CRACD: variants seen among roughly 807,000 people sequenced by gnomAD.
CRACD encodes the protein capping protein inhibiting regulator of actin dynamics.
Under a neutral mutation model 106.8 loss-of-function variants are expected in CRACD, and 56 were observed. The observed-to-expected ratio is 0.52, with a 90% CI of 0.42 to 0.66. The LOEUF (loss-of-function observed/expected upper bound fraction) is 0.66. Among genes scored for constraint, CRACD ranks in the 30% least tolerant of loss-of-function variants. The pLI is 0.00. For synonymous variants in CRACD, 754 were observed against 670.8 expected (o/e 1.12, Z -1.92); for missense variants, 1,730 against 1,623.2 (o/e 1.07, Z -1.13).
At position 56,169,576 on chromosome 4, in the gene CRACD, CA is replaced by C. The variant is rs1313094932; in HGVS notation, c.-335-9707del. 6.6e-5 allele frequency among the ~76,000 whole-genome samples: 10 copies of C among 152,198 alleles called. No homozygotes were observed. In the East Asian group the frequency reaches 1.9e-3, roughly 29 times the overall value. On this transcript the variant is annotated intron_variant, in intron 1 of 10. Coordinates refer to ENST00000682029, the MANE Select transcript of CRACD (RefSeq NM_001393381.1). ...GCAGTGGTGCTATCTTCGCTGATGGCACCTCTACCTCCTAGGCTCAAGCAAT... is the reference window on the plus strand; with the variant it reads ...GCAGTGGTGCTATCTTCGCTGATGGCCCTCTACCTCCTAGGCTCAAGCAAT...
chr4:56,241,522 T>C (rs1160920708), intron 2 of CRACD, among the ~76,000 whole-genome samples: 3 of 152,172 alleles, frequency 2.0e-5, no homozygotes, highest in Non-Finnish European at 4.4e-5. Flanking sequence ...ATTTCTCTTA[T>C]TCATTTAATA....
chr4:56,176,601 T>C (rs964398077), intron 1 of CRACD, among the ~76,000 whole-genome samples: 4 of 151,784 alleles, frequency 2.6e-5, no homozygotes, highest in Non-Finnish European at 2.9e-5. Flanking sequence ...GCTAATTTTT[T>C]TGTTTTTGTA....
chr4:56,224,779 G>T (rs903495877), intron 2 of CRACD, among the ~76,000 whole-genome samples: 1 of 152,154 alleles, frequency 6.6e-6, no homozygotes, highest in Non-Finnish European at 1.5e-5. Flanking sequence ...TTCTTCAGTT[G>T]CTAGTTCTAG....
At chr4:56,307,825 C>G in intron 5 of CRACD, 126 bp downstream of exon 5, 12 of 849,372 alleles carry the variant, frequency 1.4e-5, no homozygotes, top group Non-Finnish European at 2.0e-5. Context: ...TAGCTCAGGG[C>G]TTGAGGGCAC....
chr4:56,296,699 C>T (rs961676821), intron 3 of CRACD, among the ~76,000 whole-genome samples: 1 of 152,134 alleles, frequency 6.6e-6, no homozygotes. Context: ...AGGTTGTGCT[C>T]TCTCTCCCCT....
intron 3 of CRACD, among the ~76,000 whole-genome samples, chr4:56,278,833 T>A (rs2109664972): frequency 6.6e-6 from 1 of 152,254 alleles, no homozygotes; most frequent in Middle Eastern, 3.4e-3. Flanking sequence ...CAAAGGATTC[T>A]AATAGACATC....
chr4:56,164,484 G>A (rs944148396), intron 1 of CRACD, among the ~76,000 whole-genome samples: 6 of 152,176 alleles, frequency 3.9e-5, no homozygotes, highest in Admixed American at 6.5e-5. Context: ...AGAAATAAAA[G>A]TGAGCTACTG....
At chr4:56,079,734 C>G (rs1732960588) in intron 1 of CRACD, among the ~76,000 whole-genome samples, 1 of 152,172 alleles carries the variant, frequency 6.6e-6, no homozygotes, top group Non-Finnish European at 1.5e-5. Context: ...CAGGCATGAG[C>G]CACTGTGCCT....
chr4:56,155,409 G>A (rs116693015), intron 1 of CRACD, among the ~76,000 whole-genome samples: 1,970 of 152,300 alleles, frequency 0.013, 18 homozygotes, highest in Admixed American at 0.041. Context: ...CATGGAACCC[G>A]TGGGTATATC....
intron 2 of CRACD, among the ~76,000 whole-genome samples, chr4:56,251,214 G>A (rs1160509670): frequency 2.0e-5 from 3 of 152,182 alleles, no homozygotes; most frequent in Non-Finnish European, 2.9e-5. Flanking sequence ...CTCAGCGCCT[G>A]CCTGGTCAAG....
chr4:56,281,567 A>G (rs575348861), intron 3 of CRACD, among the ~76,000 whole-genome samples: 19 of 152,162 alleles, frequency 1.2e-4, no homozygotes, highest in African/African-American at 3.4e-4. Flanking sequence ...GAGGACAAAA[A>G]TGCATATGAC....
At chr4:56,295,205 C>G (rs935319169) in intron 3 of CRACD, among the ~76,000 whole-genome samples, 4 of 151,914 alleles carry the variant, frequency 2.6e-5, no homozygotes, top group African/African-American at 9.7e-5. Flanking sequence ...GTCTTCAAAC[C>G]TTAGTTTCCT....
Position 56,314,705 on chromosome 4 carries a change from G to T in CRACD, c.1203G>T (p.Leu401=), listed in dbSNP as rs1009264294. ...GGCGGGGCGCGGAGGAGGAGGATCTGGGGGAAGAGGAGGAGGAGGGCCAGG... is the reference window on the plus strand; with the variant it reads ...GGCGGGGCGCGGAGGAGGAGGATCTTGGGGAAGAGGAGGAGGAGGGCCAGG... ...EGRRGAEEED[L]GEEEEEGQAH... The change falls in exon 8 of 11, where the codon CTG becomes CTT. Residue 401 remains leucine, a synonymous_variant. Coordinates refer to ENST00000682029, the MANE Select transcript of CRACD (RefSeq NM_001393381.1). The surrounding 1 kb of genome is among the most constrained non-coding windows in gnomAD (Gnocchi z 4.4). 2 of 1,561,688 alleles carry T rather than the reference G, an allele frequency of 1.3e-6. No homozygotes were observed. The highest frequency in any genetic ancestry group is 2.3e-5 in the East Asian group (1 of 42,632).
At chr4:56,162,135 A>G (rs546262114) in intron 1 of CRACD, among the ~76,000 whole-genome samples, 3 of 152,054 alleles carry the variant, frequency 2.0e-5, no homozygotes, top group Non-Finnish European at 2.9e-5. Context: ...GAAAAGCACA[A>G]TTTTGGATCA....
At chr4:56,278,103 T>C (rs1742781662) in intron 3 of CRACD, among the ~76,000 whole-genome samples, 1 of 152,168 alleles carries the variant, frequency 6.6e-6, no homozygotes, top group African/African-American at 2.4e-5. Context: ...ACAGATTCAA[T>C]GTGGTCCCCA....
At chr4:56,177,145 G>GA (rs1293280702) in intron 1 of CRACD, among the ~76,000 whole-genome samples, 4 of 152,150 alleles carry the variant, frequency 2.6e-5, no homozygotes, top group Non-Finnish European at 5.9e-5. Flanking sequence ...CTAGAGCTTA[G>GA]AAGAAAGGCT....
intron 8 of CRACD, 62 bp downstream of exon 8, chr4:56,316,751 A>AACC: frequency 1.4e-6 from 2 of 1,423,290 alleles, no homozygotes; most frequent in East Asian, 2.5e-5. Flanking sequence ...GGCATCAAGA[A>AACC]GAGATCCACA....
In CRACD at chr4:56,249,018, A is replaced by G. The variant is rs1391552063; in HGVS notation, c.-188-23303A>G. Among the ~76,000 whole-genome samples, 2 of 77,828 alleles carry G rather than the reference A, an allele frequency of 2.6e-5. 1 individual carries two copies. Among genetic ancestry groups the G allele is most frequent in the South Asian group, 9.6e-4 (2 of 2,090 alleles). 51.1% of individuals were successfully genotyped at this position (77,828 alleles called of 152,430 possible). On this transcript the variant is annotated intron_variant, in intron 2 of 10. Transcript: ENST00000682029. The stretch of plus-strand genomic sequence containing the variant: ...GTTCCAAGTCTTTGCTATTGTGAAT[A>G]ATACCGCAATAAACATACATGTGCA...
intron 1 of CRACD, among the ~76,000 whole-genome samples, chr4:56,102,718 G>C (rs2109832710): frequency 6.6e-6 from 1 of 152,308 alleles, no homozygotes; most frequent in South Asian, 2.1e-4. Context: ...GTAAGTGAAA[G>C]CTGTTTAACA....
Sources: allele counts gnomAD v4.1 joint callset (sites outside exome capture counted in the v4.1 genomes callset), GRCh38; gene constraint gnomAD v4.1.1; non-coding constraint Gnocchi (gnomAD v3.1); transcripts MANE v1.5; gene names NCBI Gene and HGNC (gene_info 2026-07-23, HGNC 2026-07-21).